Variants in RAD17 observed in about 807,000 individuals in gnomAD.
The protein encoded by RAD17 is cell cycle checkpoint protein RAD17.
A neutral mutation model predicts 81.5 loss-of-function variants in RAD17; 31 were observed. The ratio of observed to expected loss-of-function variants is 0.38; its 90% CI spans 0.29 to 0.51. The LOEUF is 0.51. RAD17 is among the 20% of genes least tolerant of loss of function. The pLI, the probability that RAD17 is intolerant of heterozygous loss-of-function variation, is 0.88. For synonymous variants in RAD17, 261 were observed against 266.2 expected (o/e 0.98, Z 0.19); for missense variants, 681 against 781.2 (o/e 0.87, Z 1.53).
At chr5:69,409,399 G>C (rs1384515768) in intron 17 of RAD17, among the ~76,000 whole-genome samples, 1 of 152,108 alleles carries the variant, frequency 6.6e-6, no homozygotes, top group Non-Finnish European at 1.5e-5. Flanking sequence ...TACCCACCTG[G>C]AATGAAATGT....
chr5:69,410,983 A>C lies in RAD17; in HGVS notation c.1751+433A>C, dbSNP rs1281037948. ...TGTCTGTCTATATATATATATATAT[A>C]TATATATATATATACTGTTCATTTT... is the stretch of plus-strand genomic sequence containing the variant. On this transcript the variant is annotated intron_variant, in intron 18 of 18. Transcript: ENST00000354868. 7.6e-5 allele frequency among the ~76,000 whole-genome samples: 11 copies of C among 144,100 alleles called. 2 individuals are homozygous for C. Among genetic ancestry groups the C allele is most frequent in the Admixed American group, 2.8e-4 (4 of 14,406 alleles). 94.5% of individuals were successfully genotyped at this position (144,100 alleles called of 152,430 possible).
rs751898743 is a variant in RAD17, at chr5:69,389,026, T to G, written c.895-8T>G. Reference sequence around the variant, plus strand: ...TACTTTTTTTTAAATTTAATTTTCTTATTTTAGAATGGAGGAAAAATTACT... The same window carrying G: ...TACTTTTTTTTAAATTTAATTTTCTGATTTTAGAATGGAGGAAAAATTACT... On this transcript the variant is annotated splice_region_variant and splice_polypyrimidine_tract_variant and intron_variant, in intron 11 of 18. Transcript: ENST00000354868. 6.4e-6 allele frequency: 9 copies of G among 1,396,956 alleles called. No individual in the cohort carries two copies. The highest frequency in any genetic ancestry group is 8.6e-6 in the Non-Finnish European group (9 of 1,044,320). The allele number at this position is 1,396,956 out of a possible 1,614,324, so 86.5% of individuals were successfully genotyped here.
Position 69,374,011 on chromosome 5 carries a change from T to C in RAD17, c.191T>C (p.Ile64Thr). 3 of 1,611,644 alleles carry C rather than the reference T, an allele frequency of 1.9e-6. No individual in the cohort carries two copies. The highest frequency in any genetic ancestry group is 2.5e-6 in the Non-Finnish European group (3 of 1,178,254). Residue 64 changes from isoleucine to threonine, a missense_variant, in exon 5 of 19, where the codon ATT (isoleucine) becomes ACT (threonine). Coordinates refer to ENST00000354868, the MANE Select transcript of RAD17 (RefSeq NM_133338.3). ...KRGNLSSLEQ[I>T]YGLENSKEYL... The stretch of plus-strand genomic sequence containing the variant: ...GGAAATCTATCTTCCTTAGAACAGA[T>C]TTATGGTTTAGAAAATTCAAAAGAA...
chr5:69,371,317 A>T lies in RAD17; in HGVS notation c.-279-137A>T, dbSNP rs527483733. 5 of 488,894 alleles carry T rather than the reference A, an allele frequency of 1.0e-5. No homozygotes were observed. The South Asian group carries it at 1.6e-4, about 16-fold the overall frequency. The allele number at this position is 488,894 out of a possible 1,614,324, so 30.3% of individuals were successfully genotyped here. On this transcript the variant is annotated intron_variant, in intron 2 of 18. Transcript: ENST00000354868. ...TTTTAGAATTTTGATTTCTTGTATC[A>T]CTTAAATTTACTGTTCTTTTTCACT... is the stretch of plus-strand genomic sequence containing the variant.
intron 13 of RAD17, among the ~76,000 whole-genome samples, chr5:69,392,372 G>A (rs17236436): frequency 2.0e-5 from 3 of 152,114 alleles, no homozygotes; most frequent in African/African-American, 7.2e-5. Flanking sequence ...CAAATTACCA[G>A]GTAGTTTAAG....
chr5:69,380,327 C>T (rs1763773431), intron 6 of RAD17, among the ~76,000 whole-genome samples: 1 of 152,144 alleles, frequency 6.6e-6, no homozygotes, highest in Admixed American at 6.6e-5. Context: ...TTATACAGCA[C>T]AGTAGGTGTG....
intron 12 of RAD17, 61 bp downstream of exon 12, chr5:69,389,206 T>C: frequency 9.8e-7 from 1 of 1,016,114 alleles, no homozygotes. Context: ...TCTTAATTCA[T>C]TCAATGAAAT....
At chr5:69,408,506 C>CTTT (rs913594965) in intron 17 of RAD17, among the ~76,000 whole-genome samples, 2,756 of 88,334 alleles carry the variant, frequency 0.031, 108 homozygotes, top group African/African-American at 0.047. Flanking sequence ...ACCCTAATTA[C>CTTT]TTTTTTTTTT....
intron 16 of RAD17, among the ~76,000 whole-genome samples, chr5:69,398,276 C>T (rs1765027545): frequency 6.6e-6 from 1 of 152,104 alleles, no homozygotes; most frequent in Admixed American, 6.6e-5. Flanking sequence ...CCTATAAATA[C>T]ATACAGAGCT....
At chr5:69,383,937 A>G (rs1349276608) in intron 7 of RAD17, 1 of 152,134 alleles carries the variant, frequency 6.6e-6, no homozygotes, top group Admixed American at 6.6e-5. Flanking sequence ...CTAATCAGTT[A>G]TTCTGTTTTT....
chr5:69,369,300 A>T, upstream of RAD17: 1 of 297,354 alleles, frequency 3.4e-6, no homozygotes, highest in Non-Finnish European at 4.6e-6. Flanking sequence ...GCCTCCCGCA[A>T]CGCCCGCGAG....
At chr5:69,407,000 T>A (rs1401226111) in intron 17 of RAD17, among the ~76,000 whole-genome samples, 2 of 7,436 alleles carry the variant, frequency 2.7e-4, no homozygotes, top group Non-Finnish European at 3.7e-3. Context: ...TTGTAGTAGA[T>A]TTTTTTTTTT....
rs1226768324 is a variant in RAD17, at chr5:69,396,521, C to A, written c.1547C>A (p.Pro516His). Residue 516 changes from proline to histidine, a missense_variant, in exon 16 of 19, where the codon CCT becomes CAT. Coordinates refer to ENST00000354868, the MANE Select transcript of RAD17 (RefSeq NM_133338.3). Reference sequence around the variant, plus strand: ...TCAAGTTTTCGACCCTTGCACAAACCTCAGTGGTTTCTAATAAATAAAAAG... The same window carrying A: ...TCAAGTTTTCGACCCTTGCACAAACATCAGTGGTTTCTAATAAATAAAAAG... ...GGSSFRPLHK[P>H]QWFLINKKYR... 1 of 1,588,200 alleles carries A rather than the reference C, an allele frequency of 6.3e-7. No homozygotes were observed. The highest frequency in any genetic ancestry group is 1.2e-5 in the South Asian group (1 of 85,312).
intron 1 of RAD17, 39 bp downstream of exon 1, chr5:69,369,972 C>G: frequency 2.0e-6 from 1 of 503,516 alleles, no homozygotes; most frequent in Middle Eastern, 5.1e-4. Flanking sequence ...ATGTATATGT[C>G]TTAGAGACGT....
intron 17 of RAD17, among the ~76,000 whole-genome samples, chr5:69,403,653 C>A (rs1765412671): frequency 6.6e-6 from 1 of 152,176 alleles, no homozygotes; most frequent in Non-Finnish European, 1.5e-5. Flanking sequence ...GGCATGGCGG[C>A]TCATGCCTAT....
intron 18 of RAD17, 88 bp downstream of exon 18, chr5:69,410,638 C>A: frequency 8.1e-7 from 1 of 1,229,196 alleles, no homozygotes; most frequent in Non-Finnish European, 1.2e-6. Context: ...TTACCTGTAA[C>A]ATCCAAGAAA....
In RAD17 at chr5:69,414,162, A is replaced by C; in HGVS notation, c.1883A>C (p.Glu628Ala). The C allele has an allele frequency of 1.2e-6, 2 of 1,614,250 alleles. No homozygotes were observed. The highest frequency in any genetic ancestry group is 2.2e-5 in the South Asian group (2 of 91,092). ...LGEPTQATVP[E>A]TWSLPLSQNS... ...GAACCCACTCAAGCCACTGTGCCGG[A>C]AACCTGGTCTCTTCCTTTGAGTCAG... The change falls in exon 19 of 19, where the codon GAA becomes GCA. Residue 628 changes from glutamate (E) to alanine (A), a missense_variant. Coordinates refer to ENST00000354868, the MANE Select transcript of RAD17 (RefSeq NM_133338.3).
At chr5:69,380,053 G>A (rs960457849) in intron 6 of RAD17, among the ~76,000 whole-genome samples, 2 of 151,790 alleles carry the variant, frequency 1.3e-5, no homozygotes, top group Non-Finnish European at 2.9e-5. Flanking sequence ...GGTAGTTCTT[G>A]TATTTTTAGT....
chr5:69,404,921 CAG>C (rs1348642862), intron 17 of RAD17, among the ~76,000 whole-genome samples: 1 of 151,988 alleles, frequency 6.6e-6, no homozygotes, highest in Non-Finnish European at 1.5e-5. Context: ...GCCTGGGGGA[CAG>C]AGTGAGATGC....
Sources: gnomAD v4.1 joint callset for allele counts (sites outside exome capture counted in the v4.1 genomes callset) on GRCh38, gnomAD v4.1.1 for gene constraint, MANE v1.5 for transcripts, NCBI Gene and HGNC (gene_info 2026-07-23, HGNC 2026-07-21) for gene names.